Variants in FOXN3 observed in about 807,000 individuals in gnomAD.
The protein encoded by FOXN3 is forkhead box N3.
Under a neutral mutation model 38.4 loss-of-function variants are expected in FOXN3, and 7 were observed. That is an observed-to-expected ratio of 0.18 (90% CI 0.10 to 0.34). The LOEUF (loss-of-function observed/expected upper bound fraction) is 0.34, where lower values mean the gene tolerates loss of function less well. Ranked by LOEUF, FOXN3 falls within the 10% of genes least tolerant of loss-of-function variation. FOXN3 has a pLI of 1.00. For synonymous variants in FOXN3, 230 were observed against 242.2 expected, an observed-to-expected ratio of 0.95 and a Z score of 0.47; for missense variants, 456 against 613.4, an observed-to-expected ratio of 0.74 and a Z score of 2.71.
In FOXN3 at chr14:89,157,998, A is replaced by G. The variant is rs1191868592; in HGVS notation, c.*4416T>C. On this transcript the variant is annotated 3_prime_UTR_variant, in exon 6 of 6. Coordinates refer to ENST00000557258, the MANE Select transcript of FOXN3 (RefSeq NM_005197.4). ...CAATTGCAACATCTGGGCAGCTGTG[A>G]TCCACCAGAAAGAAACGAGTCCCAA... 6.6e-6 allele frequency: 1 copy of G among 152,606 alleles called. No homozygotes were observed. The highest frequency in any genetic ancestry group is 1.9e-4 in the East Asian group (1 of 5,202). The allele number at this position is 152,606 out of a possible 1,614,324, so 9.5% of individuals were successfully genotyped here. A position where few individuals can be genotyped will look rare whatever the true frequency, so the allele number is the denominator to read the frequency against.
At chr14:89,261,173 A>T (rs1159473082) in intron 4 of FOXN3, among the ~76,000 whole-genome samples, 1 of 152,186 alleles carries the variant, frequency 6.6e-6, no homozygotes, top group African/African-American at 2.4e-5. Context: ...TCCCAAAAGG[A>T]ACCTAAAAGG....
chr14:89,433,927 T>A (rs1020457375), intron 1 of FOXN3, among the ~76,000 whole-genome samples: 1 of 149,990 alleles, frequency 6.7e-6, no homozygotes, highest in African/African-American at 2.4e-5. Context: ...TCAGAATTTT[T>A]TTTTTTTTTT....
At chr14:89,543,354 A>G (rs1967855) in intron 1 of FOXN3, among the ~76,000 whole-genome samples, 124,511 of 152,132 alleles carry the variant, frequency 0.82, 51,243 homozygotes, top group Admixed American at 0.87. Context: ...TTTAGCTTCT[A>G]CTGTGCTAAG....
chr14:89,188,221 G>C (rs75223454), intron 4 of FOXN3, among the ~76,000 whole-genome samples: 2,260 of 152,254 alleles, frequency 0.015, 67 homozygotes, highest in African/African-American at 0.052. Flanking sequence ...ATGTAAATAG[G>C]ACCGTGGCTA....
At chr14:89,408,370 A>G (rs976945723) in intron 2 of FOXN3, among the ~76,000 whole-genome samples, 3 of 150,792 alleles carry the variant, frequency 2.0e-5, no homozygotes, top group African/African-American at 7.3e-5. Flanking sequence ...CCATCCTTCC[A>G]TCTCAGCCTC....
intron 4 of FOXN3, among the ~76,000 whole-genome samples, chr14:89,258,074 C>G (rs1019332956): frequency 6.6e-6 from 1 of 152,138 alleles, no homozygotes; most frequent in African/African-American, 2.4e-5. Context: ...TGTACACACA[C>G]ACACACACGC....
intron 1 of FOXN3, among the ~76,000 whole-genome samples, chr14:89,505,206 T>C (rs1893887636): frequency 6.6e-6 from 1 of 152,210 alleles, no homozygotes; most frequent in Non-Finnish European, 1.5e-5. Context: ...TGCTTTAGTC[T>C]GTAGGTTGCC....
At chr14:89,405,481 C>A (rs1386809984) in intron 2 of FOXN3, among the ~76,000 whole-genome samples, 2 of 151,978 alleles carry the variant, frequency 1.3e-5, no homozygotes, top group Admixed American at 1.3e-4. Context: ...TCTCATCTAC[C>A]GAGAGCAAAC....
intron 1 of FOXN3, among the ~76,000 whole-genome samples, chr14:89,505,134 C>T (rs1893885068): frequency 6.6e-6 from 1 of 152,218 alleles, no homozygotes; most frequent in African/African-American, 2.4e-5. Flanking sequence ...GCAGCCTAAA[C>T]TAGATCAGAG....
intron 1 of FOXN3, among the ~76,000 whole-genome samples, chr14:89,432,919 G>T (rs539879056): frequency 6.6e-6 from 1 of 152,092 alleles, no homozygotes; most frequent in African/African-American, 2.4e-5. Flanking sequence ...GGGCTCAAGC[G>T]ATTCTCCTGC....
intron 1 of FOXN3, among the ~76,000 whole-genome samples, chr14:89,459,534 C>T (rs952770133): frequency 3.3e-5 from 5 of 152,040 alleles, no homozygotes; most frequent in African/African-American, 1.2e-4. Context: ...GGACTGGAGC[C>T]GAGATTAGAA....
chr14:89,530,959 TAC>T (rs1894549234), intron 1 of FOXN3, among the ~76,000 whole-genome samples: 1 of 147,712 alleles, frequency 6.8e-6, no homozygotes, highest in South Asian at 2.1e-4. Context: ...TATACATATA[TAC>T]ACATATATAA....
intron 4 of FOXN3, among the ~76,000 whole-genome samples, chr14:89,227,401 T>C (rs1248626898): frequency 1.3e-5 from 2 of 152,236 alleles, no homozygotes; most frequent in Non-Finnish European, 2.9e-5. Flanking sequence ...CTTCATCAAT[T>C]GGACTCCCTT....
At chr14:89,262,938 T>TA (rs1449757925) in intron 4 of FOXN3, among the ~76,000 whole-genome samples, 1 of 152,202 alleles carries the variant, frequency 6.6e-6, no homozygotes, top group Non-Finnish European at 1.5e-5. Context: ...AGCGAACCTC[T>TA]AAGGTACTGG....
At chr14:89,359,775 A>C (rs1770567781) in intron 2 of FOXN3, among the ~76,000 whole-genome samples, 1 of 152,176 alleles carries the variant, frequency 6.6e-6, no homozygotes, top group Non-Finnish European at 1.5e-5. Flanking sequence ...TGACCCCGAT[A>C]CTGCAAGGGA....
chr14:89,161,852 C>A lies in FOXN3; in HGVS notation c.*562G>T, dbSNP rs918275611. 6.6e-6 allele frequency: 1 copy of A among 152,272 alleles called. No individual in the cohort carries two copies. Among genetic ancestry groups the A allele is most frequent in the South Asian group, 2.1e-4 (1 of 4,826 alleles). 9.4% of individuals were successfully genotyped at this position (152,272 alleles called of 1,614,324 possible). ...CCGTGTGACAATTCCAGTGGCTTTC[C>A]TGGCACCATCAGATGCCTGGTGCCA... On this transcript the variant is annotated 3_prime_UTR_variant, in exon 6 of 6. Transcript: ENST00000557258.
At chr14:89,187,134 C>G (rs1314725285) in intron 4 of FOXN3, among the ~76,000 whole-genome samples, 1 of 152,198 alleles carries the variant, frequency 6.6e-6, no homozygotes, top group Non-Finnish European at 1.5e-5. Context: ...AAAAGCCTTC[C>G]AGCTATCCAG....
intron 1 of FOXN3, among the ~76,000 whole-genome samples, chr14:89,547,030 C>A (rs1048816271): frequency 6.6e-6 from 1 of 151,756 alleles, no homozygotes; most frequent in Admixed American, 6.6e-5. Flanking sequence ...AGCGATCCAC[C>A]CGCCGCAGCC....
At chr14:89,560,366 G>A (rs1281780375) in intron 1 of FOXN3, among the ~76,000 whole-genome samples, 1 of 152,166 alleles carries the variant, frequency 6.6e-6, no homozygotes, top group Non-Finnish European at 1.5e-5. Context: ...GCCATGTACA[G>A]CCCCTGGATA....
Sources: allele counts gnomAD v4.1 joint callset (sites outside exome capture counted in the v4.1 genomes callset), GRCh38; gene constraint gnomAD v4.1.1; transcripts MANE v1.5; gene names NCBI Gene and HGNC (gene_info 2026-07-23, HGNC 2026-07-21).